The following PRKCE variants were observed in gnomAD, a reference collection of about 807,000 sequenced individuals.
The protein encoded by PRKCE is protein kinase C epsilon type.
PRKCE carries 16 observed loss-of-function variants against 85.4 expected under a neutral mutation model. The ratio of observed to expected loss-of-function variants is 0.19; its 90% CI spans 0.13 to 0.28. PRKCE has a LOEUF of 0.28. PRKCE is among the 10% of genes least tolerant of loss of function. PRKCE has a pLI of 1.00. For synonymous variants in PRKCE, 388 were observed against 371.5 expected, an observed-to-expected ratio of 1.04 and a Z score of -0.51; for missense variants, 573 against 975.2, an observed-to-expected ratio of 0.59 and a Z score of 5.49.
intron 1 of PRKCE, among the ~76,000 whole-genome samples, chr2:45,721,441 G>A (rs1246719239): frequency 6.6e-6 from 1 of 152,210 alleles, no homozygotes; most frequent in Non-Finnish European, 1.5e-5. Context: ...TGTCAGGGGA[G>A]TGCAGAAGGT....
chr2:45,886,915 C>G (rs1695343907), intron 2 of PRKCE, among the ~76,000 whole-genome samples: 1 of 152,100 alleles, frequency 6.6e-6, no homozygotes, highest in African/African-American at 2.4e-5. Flanking sequence ...TTCCAAAGAC[C>G]TTTCGGGTCT....
intron 2 of PRKCE, among the ~76,000 whole-genome samples, chr2:45,864,953 G>A (rs369432991): frequency 7.2e-5 from 11 of 152,302 alleles, no homozygotes; most frequent in South Asian, 2.1e-4. Context: ...TGATTCTGGC[G>A]TTCTGGGGTG....
At chr2:45,680,791 G>T (rs1450770728) in intron 1 of PRKCE, among the ~76,000 whole-genome samples, 1 of 152,148 alleles carries the variant, frequency 6.6e-6, no homozygotes, top group Admixed American at 6.5e-5. Flanking sequence ...GTCTCAACAT[G>T]CTTTTAACAA....
chr2:45,783,590 T>C (rs1457098128), intron 1 of PRKCE, among the ~76,000 whole-genome samples: 1 of 152,234 alleles, frequency 6.6e-6, no homozygotes, highest in East Asian at 1.9e-4. Context: ...TGGAAGTCGT[T>C]CTCTTACTGT....
chr2:46,173,648 G>A (rs950332193), intron 14 of PRKCE, among the ~76,000 whole-genome samples: 11 of 152,194 alleles, frequency 7.2e-5, no homozygotes, highest in Admixed American at 6.5e-4. Context: ...GGAACCTTCG[G>A]GTAGTTGCCC....
chr2:45,656,676 C>A (rs1558530405), intron 1 of PRKCE, among the ~76,000 whole-genome samples: 1 of 152,116 alleles, frequency 6.6e-6, no homozygotes, highest in Non-Finnish European at 1.5e-5. Flanking sequence ...AAATATAGAT[C>A]CTCTGGCCCA....
intron 10 of PRKCE, among the ~76,000 whole-genome samples, chr2:46,056,597 C>G (rs950008157): frequency 6.6e-6 from 1 of 152,154 alleles, no homozygotes; most frequent in African/African-American, 2.4e-5. Context: ...GAATTTAGAT[C>G]TTTTCCTCTT....
chr2:45,722,787 G>A lies in PRKCE; in HGVS notation c.348+70339G>A, dbSNP rs1680726009. On this transcript the variant is annotated intron_variant, in intron 1 of 14. Transcript: ENST00000306156. ...GCTTTCTTCATAGAAACCTAGGAAT[G>A]CATTGTAGTCAGTTAAAAGATAAGT... Among the ~76,000 whole-genome samples, 4 of 152,180 alleles carry A rather than the reference G, an allele frequency of 2.6e-5. No individual in the cohort carries two copies. In the South Asian group the frequency reaches 8.3e-4, roughly 32 times the overall value.
chr2:45,997,561 T>A lies in PRKCE; in HGVS notation c.824-3843T>A, dbSNP rs1393573606. Among the ~76,000 whole-genome samples, 6 of 152,250 alleles carry A rather than the reference T, an allele frequency of 3.9e-5. No individual in the cohort carries two copies. The South Asian group carries it at 1.0e-3, about 26-fold the overall frequency. ...TTATTTTTATTTTATTTATTTATTT[T>A]TTTGAGACAGAGTCTCACTCTGTCA... On this transcript the variant is annotated intron_variant, in intron 6 of 14. Coordinates refer to ENST00000306156, the MANE Select transcript of PRKCE (RefSeq NM_005400.3).
chr2:46,089,790 G>GC (rs1669987414), intron 11 of PRKCE, among the ~76,000 whole-genome samples: 2 of 152,094 alleles, frequency 1.3e-5, no homozygotes, highest in African/African-American at 4.8e-5. Context: ...TGTTAACAGG[G>GC]CCCCGATGGC....
intron 2 of PRKCE, among the ~76,000 whole-genome samples, chr2:45,846,185 A>G (rs4953269): frequency 0.93 from 141,285 of 152,268 alleles, 65,680 homozygotes; most frequent in East Asian, 1. Flanking sequence ...TAACAGAGGC[A>G]TAAACAGCAA....
chr2:45,803,221 T>C (rs1368019302), intron 1 of PRKCE, among the ~76,000 whole-genome samples: 1 of 152,224 alleles, frequency 6.6e-6, no homozygotes, highest in African/African-American at 2.4e-5. Context: ...GGGAACAAGA[T>C]TTGGTCTATA....
chr2:45,968,496 G>A (rs1242827030), intron 2 of PRKCE, among the ~76,000 whole-genome samples: 3 of 152,152 alleles, frequency 2.0e-5, no homozygotes. Context: ...TGGGAGGGAG[G>A]TGATGATGAA....
chr2:45,898,136 T>A (rs1157743315), intron 2 of PRKCE, among the ~76,000 whole-genome samples: 12 of 152,152 alleles, frequency 7.9e-5, no homozygotes, highest in Non-Finnish European at 1.8e-4. Flanking sequence ...AAAGCAAAGA[T>A]GAAGCCACGT....
chr2:45,706,848 C>G (rs1679156031), intron 1 of PRKCE, among the ~76,000 whole-genome samples: 1 of 152,098 alleles, frequency 6.6e-6, no homozygotes, highest in Non-Finnish European at 1.5e-5. Flanking sequence ...TTTTAGTTAC[C>G]AGAGTCCTTT....
At chr2:46,156,185 C>T (rs554506571) in intron 13 of PRKCE, among the ~76,000 whole-genome samples, 21 of 152,196 alleles carry the variant, frequency 1.4e-4, no homozygotes, top group African/African-American at 4.3e-4. Context: ...CATCAGGCCC[C>T]GCCTCCCCCT....
chr2:45,878,676 C>T (rs1424944841), intron 2 of PRKCE, among the ~76,000 whole-genome samples: 4 of 152,182 alleles, frequency 2.6e-5, no homozygotes, highest in Non-Finnish European at 5.9e-5. Context: ...ATAGTTGACT[C>T]AAATAACCTA....
At chr2:45,887,848 C>T (rs1263467022) in intron 2 of PRKCE, among the ~76,000 whole-genome samples, 1 of 152,186 alleles carries the variant, frequency 6.6e-6, no homozygotes, top group Non-Finnish European at 1.5e-5. Context: ...CTCACTTTGG[C>T]GTTCTAAATT....
At chr2:46,153,003 C>T (rs1389122026) in intron 13 of PRKCE, among the ~76,000 whole-genome samples, 2 of 152,078 alleles carry the variant, frequency 1.3e-5, no homozygotes, top group African/African-American at 4.8e-5. Flanking sequence ...TCCCTCACCT[C>T]ATTCCTTCTC....
Sources: allele counts gnomAD v4.1 joint callset (sites outside exome capture counted in the v4.1 genomes callset), GRCh38; gene constraint gnomAD v4.1.1; transcripts MANE v1.5; gene names NCBI Gene and HGNC (gene_info 2026-07-23, HGNC 2026-07-21).